The following SLC44A5 variants were observed in gnomAD, a reference collection of about 807,000 sequenced individuals.
The protein encoded by SLC44A5 is choline transporter-like protein 5.
SLC44A5 carries 57 observed loss-of-function variants against 101.8 expected under a neutral mutation model. That is an observed-to-expected ratio of 0.56 (90% CI 0.45 to 0.70). The LOEUF (loss-of-function observed/expected upper bound fraction) is 0.70, where lower values mean the gene tolerates loss of function less well. SLC44A5 is among the 30% of genes least tolerant of loss of function. The probability of loss-of-function intolerance (pLI) is 0.00; values close to 1 mark genes in which losing one functional copy is unlikely to be tolerated. For synonymous variants in SLC44A5, 281 were observed against 290.9 expected, an observed-to-expected ratio of 0.97 and a Z score of 0.35; for missense variants, 737 against 853.1, an observed-to-expected ratio of 0.86 and a Z score of 1.70.
intron 10 of SLC44A5, among the ~76,000 whole-genome samples, chr1:75,238,091 A>C (rs1016802244): frequency 1.3e-5 from 2 of 151,720 alleles, no homozygotes. Flanking sequence ...TCACACTTCT[A>C]TACCTGTTGA....
chr1:75,664,912 T>G, the SLC44A5 span, among the ~76,000 whole-genome samples: 1 of 132,418 alleles, frequency 7.6e-6, no homozygotes, highest in Non-Finnish European at 1.6e-5. Flanking sequence ...CAGAGCAAGA[T>G]TCCGTCTCAA....
intron 1 of SLC44A5, among the ~76,000 whole-genome samples, chr1:75,555,876 T>C (rs1672187658): frequency 6.6e-6 from 1 of 152,072 alleles, no homozygotes; most frequent in Non-Finnish European, 1.5e-5. Context: ...TATCCAGCAA[T>C]TAAAAGAAGC....
chr1:75,212,363 G>A (rs1646875133), intron 22 of SLC44A5, among the ~76,000 whole-genome samples: 1 of 151,826 alleles, frequency 6.6e-6, no homozygotes, highest in Admixed American at 6.6e-5. Context: ...CCTCAAGTAG[G>A]TCCCAGTGTC....
intron 2 of SLC44A5, among the ~76,000 whole-genome samples, chr1:75,487,342 A>G (rs1221904230): frequency 6.6e-6 from 1 of 152,216 alleles, no homozygotes; most frequent in Non-Finnish European, 1.5e-5. Context: ...CTGAAACCTG[A>G]TATATAAAAT....
chr1:75,369,267 C>T (rs1660070276), intron 3 of SLC44A5, among the ~76,000 whole-genome samples: 1 of 152,088 alleles, frequency 6.6e-6, no homozygotes, highest in South Asian at 2.1e-4. Context: ...ATCCTCCTTC[C>T]TCAGCCTCAC....
intron 3 of SLC44A5, chr1:75,354,144 T>C (rs1658892411): frequency 5.3e-6 from 1 of 187,026 alleles, no homozygotes; most frequent in Admixed American, 6.0e-5. Context: ...GGAATCACTA[T>C]AGATGTCTGT....
intron 1 of SLC44A5, among the ~76,000 whole-genome samples, chr1:75,550,128 AT>A (rs1430656202): frequency 6.6e-6 from 1 of 152,116 alleles, no homozygotes; most frequent in Non-Finnish European, 1.5e-5. Flanking sequence ...TCATAGCAAC[AT>A]TTTTCATAAG....
intron 3 of SLC44A5, among the ~76,000 whole-genome samples, chr1:75,358,047 G>A (rs1433179719): frequency 6.6e-6 from 1 of 151,452 alleles, no homozygotes; most frequent in Non-Finnish European, 1.5e-5. Flanking sequence ...ACACAACATA[G>A]TCCTGCATAC....
intron 7 of SLC44A5, among the ~76,000 whole-genome samples, chr1:75,244,507 T>C (rs1040511610): frequency 3.3e-5 from 5 of 152,068 alleles, no homozygotes; most frequent in Admixed American, 2.0e-4. Flanking sequence ...CCGTGAATTC[T>C]CAAACACAAT....
At chr1:75,529,750 A>G (rs534219037) in intron 2 of SLC44A5, among the ~76,000 whole-genome samples, 1 of 152,314 alleles carries the variant, frequency 6.6e-6, no homozygotes, top group African/African-American at 2.4e-5. Flanking sequence ...ATTTAGAGAT[A>G]GAGAAAAGTG....
intron 3 of SLC44A5, among the ~76,000 whole-genome samples, chr1:75,357,862 C>T (rs1348597229): frequency 2.0e-5 from 3 of 152,062 alleles, no homozygotes; most frequent in African/African-American, 7.2e-5. Context: ...GATAAGCATG[C>T]GTCAAAGAGT....
the SLC44A5 span, among the ~76,000 whole-genome samples, chr1:75,704,735 A>G: frequency 1.1e-4 from 16 of 152,196 alleles, no homozygotes; most frequent in South Asian, 2.1e-4. Flanking sequence ...TATTATTTCT[A>G]TGTAGACAAT....
In SLC44A5 at chr1:75,274,911, C is replaced by T. The variant is rs139066947; in HGVS notation, c.260+47G>A. On this transcript the variant is annotated intron_variant, in intron 6 of 23. Coordinates refer to ENST00000370859, the MANE Select transcript of SLC44A5 (RefSeq NM_001130058.2). ...TTACTGTAAAAGTGATATCTAGGTT[C>T]CAGTTTAGACAGTAAAATCACACAA... is the stretch of plus-strand genomic sequence containing the variant. 7.6e-5 allele frequency: 108 copies of T among 1,421,684 alleles called. No homozygotes were observed. In the East Asian group the frequency reaches 2.4e-3, roughly 31 times the overall value. 88.1% of individuals were successfully genotyped at this position (1,421,684 alleles called of 1,614,324 possible). A position where few individuals can be genotyped will look rare whatever the true frequency, so the allele number is the denominator to read the frequency against.
chr1:75,422,961 GAAAC>G (rs1414564482), intron 2 of SLC44A5, among the ~76,000 whole-genome samples: 2 of 152,006 alleles, frequency 1.3e-5, no homozygotes, highest in African/African-American at 4.8e-5. Context: ...GTGCTAATTT[GAAAC>G]AAACAAACAA....
chr1:75,479,203 T>C (rs1047263573), intron 2 of SLC44A5, among the ~76,000 whole-genome samples: 35 of 152,146 alleles, frequency 2.3e-4, no homozygotes, highest in Admixed American at 5.2e-4. Flanking sequence ...TTGAAACCAA[T>C]GAGAACAAAG....
intron 12 of SLC44A5, among the ~76,000 whole-genome samples, chr1:75,230,737 C>T (rs1647477491): frequency 6.6e-6 from 1 of 152,154 alleles, no homozygotes; most frequent in Non-Finnish European, 1.5e-5. Context: ...CCACCTCAGT[C>T]TCCCAAGTAG....
chr1:75,603,018 T>G (rs562196666), intron 1 of SLC44A5, among the ~76,000 whole-genome samples: 4 of 152,006 alleles, frequency 2.6e-5, no homozygotes, highest in African/African-American at 9.6e-5. Context: ...GGGGTACATA[T>G]ACACATTGTT....
intron 2 of SLC44A5, among the ~76,000 whole-genome samples, chr1:75,418,872 T>G (rs1663826427): frequency 6.6e-6 from 1 of 152,116 alleles, no homozygotes; most frequent in South Asian, 2.1e-4. Context: ...TGTCCTGCTA[T>G]AAATAACTAG....
intron 2 of SLC44A5, among the ~76,000 whole-genome samples, chr1:75,480,178 AAAGGCCTTT>A (rs1667745667): frequency 6.6e-6 from 1 of 152,232 alleles, no homozygotes; most frequent in African/African-American, 2.4e-5. Flanking sequence ...TAGATGCAGA[AAAGGCCTTT>A]GACAAAATTC....
Sources: allele counts gnomAD v4.1 joint callset (sites outside exome capture counted in the v4.1 genomes callset), GRCh38; gene constraint gnomAD v4.1.1; transcripts MANE v1.5; gene names NCBI Gene and HGNC (gene_info 2026-07-23, HGNC 2026-07-21).